The following MMS19 variants were observed in gnomAD, a reference collection of about 807,000 sequenced individuals.
The protein encoded by MMS19 is MMS19 nucleotide excision repair protein homolog.
MMS19 carries 77 observed loss-of-function variants against 129.8 expected under a neutral mutation model. That is an observed-to-expected ratio of 0.59 (90% confidence interval 0.49 to 0.72). MMS19 has a LOEUF of 0.72. Ranked by LOEUF, MMS19 falls within the 30% of genes least tolerant of loss-of-function variation. The pLI is 0.00. For missense variants in MMS19, 1,168 were observed against 1,266.3 expected (o/e 0.92, Z 1.18); for synonymous variants, 491 against 502.8 (o/e 0.98, Z 0.31).
At chr10:97,498,691 C>T, upstream of MMS19, 2 of 422,138 alleles carry the variant, frequency 4.7e-6, no homozygotes, top group South Asian at 5.6e-5. Flanking sequence ...AGGGGCGGTA[C>T]GCACCACGGG....
At chr10:97,485,610 C>T (rs1010055010) in intron 1 of MMS19, among the ~76,000 whole-genome samples, 1 of 151,932 alleles carries the variant, frequency 6.6e-6, no homozygotes, top group Non-Finnish European at 1.5e-5. Context: ...TGCACCTGGC[C>T]CTAATTTTTG....
chr10:97,493,146 C>T (rs376626992), intron 1 of MMS19, among the ~76,000 whole-genome samples: 1 of 151,852 alleles, frequency 6.6e-6, no homozygotes, highest in Non-Finnish European at 1.5e-5. Context: ...CAAGTGGCTG[C>T]GACTACAGGC....
rs1305719354 is a variant in MMS19, at chr10:97,468,352, T to C, written c.1118A>G (p.Lys373Arg). ...PDMKLVWPSAKLLQAAAGASA... is the reference protein window; with the variant it reads ...PDMKLVWPSARLLQAAAGASA... ...TGCACCTGCAGCTGCCTGCAACAGC[T>C]TGGCACTAGGCCACACCAGTTTCAT... The change falls in exon 13 of 31, where the codon AAG becomes AGG. Residue 373 changes from lysine (K) to arginine (R), a missense_variant. Lys to Arg is a conservative substitution (Grantham distance 26). Around this residue, in one of 3 missense-constraint regions of MMS19, gnomAD observed 831 missense variants for 910.8 expected, o/e 0.91. Coordinates refer to ENST00000438925, the MANE Select transcript of MMS19 (RefSeq NM_022362.5). 1.2e-6 allele frequency: 2 copies of C among 1,612,974 alleles called. No individual in the cohort carries two copies. The highest frequency in any genetic ancestry group is 2.2e-5 in the East Asian group (1 of 44,816).
rs2032758258 is a variant in MMS19, at chr10:97,463,996, A to ATTGGTT, written c.1773_1774insAACCAA (p.Gln591_Ser592insAsnGln). The ATTGGTT allele has an allele frequency of 1.2e-6, 2 of 1,612,988 alleles. No homozygotes were observed. The highest frequency in any genetic ancestry group is 2.2e-5 in the South Asian group (2 of 90,832). On this transcript the variant is annotated inframe_insertion, in exon 19 of 31. Transcript: ENST00000438925. ...TGACAGACAGCAATAACGTCACTGG[A>ATTGGTT]TTGTGCAACCATATTCCCTGTTGAT...
chr10:97,485,393 A>G (rs2037641490), intron 1 of MMS19, among the ~76,000 whole-genome samples: 1 of 151,416 alleles, frequency 6.6e-6, no homozygotes, highest in Admixed American at 6.6e-5. Context: ...GCTCACTGCA[A>G]CCTCCGCCTC....
chr10:97,463,983 A>G lies in MMS19; in HGVS notation c.1787T>C (p.Ile596Thr). The G allele has an allele frequency of 1.9e-6, 3 of 1,613,378 alleles. No homozygotes were observed. The highest frequency in any genetic ancestry group is 2.5e-6 in the Non-Finnish European group (3 of 1,179,614). Reference sequence around the variant, plus strand: ...CTGTCTGAGGCTCTGACAGACAGCAATAACGTCACTGGATTGTGCAACCAT... The same window carrying G: ...CTGTCTGAGGCTCTGACAGACAGCAGTAACGTCACTGGATTGTGCAACCAT... ...GNMVAQSSDVIAVCQSLRQMA... is the reference protein window; with the variant it reads ...GNMVAQSSDVTAVCQSLRQMA... Residue 596 changes from isoleucine to threonine, a missense_variant, in exon 19 of 31, where the codon ATT (isoleucine) becomes ACT (threonine). Ile to Thr is a moderately conservative substitution (Grantham distance 89). This residue lies in a region of MMS19 where 831 missense variants were observed against 910.8 expected (regional missense o/e 0.91). Transcript: ENST00000438925.
At chr10:97,496,873 T>G (rs1252490037) in intron 1 of MMS19, among the ~76,000 whole-genome samples, 2 of 152,216 alleles carry the variant, frequency 1.3e-5, no homozygotes, top group African/African-American at 4.8e-5. Flanking sequence ...GCAATTTAAA[T>G]GGATGGATAG....
At chr10:97,465,679 A>AT (rs929193089) in intron 18 of MMS19, 126 bp downstream of exon 18, 5,677 of 841,642 alleles carry the variant, frequency 6.7e-3, no homozygotes, top group Non-Finnish European at 7.8e-3. Context: ...AGGCATCAGT[A>AT]TTTTTTTTTT....
intron 26 of MMS19, 51 bp downstream of exon 26, chr10:97,459,995 C>G: frequency 1.3e-6 from 2 of 1,576,096 alleles, no homozygotes; most frequent in South Asian, 1.1e-5. Context: ...GGAATGTGGC[C>G]AAGCAAAGGA....
At chr10:97,482,126 T>C (rs998113691) in intron 2 of MMS19, among the ~76,000 whole-genome samples, 1 of 152,088 alleles carries the variant, frequency 6.6e-6, no homozygotes, top group East Asian at 1.9e-4. Flanking sequence ...CAGTGGGCCA[T>C]GATCGCTCCA....
Position 97,466,854 on chromosome 10 carries a change from A to G in MMS19, c.1345T>C (p.Phe449Leu), listed in dbSNP as rs1160447937. 6.2e-7 allele frequency: 1 copy of G among 1,614,028 alleles called. No homozygotes were observed. Among genetic ancestry groups the G allele is most frequent in the Non-Finnish European group, 8.5e-7 (1 of 1,179,878 alleles). ...GTGCTGGGGTCTGTTAGAGCCATGA[A>G]TACCAGTGAGCACAGCTGGTCCTTG... ...GFKDQLCSLV[F>L]MALTDPSTQL... The change falls in exon 15 of 31, where the codon TTC becomes CTC. Residue 449 changes from phenylalanine to leucine, a missense_variant. Around this residue, in one of 3 missense-constraint regions of MMS19, gnomAD observed 831 missense variants for 910.8 expected, o/e 0.91. Transcript: ENST00000438925.
rs760612601 is a variant in MMS19, at chr10:97,498,377, G to A, written c.8C>T (p.Ala3Val). 1 of 1,579,494 alleles carries A rather than the reference G, an allele frequency of 6.3e-7. No homozygotes were observed. Among genetic ancestry groups the A allele is most frequent in the East Asian group, 2.3e-5 (1 of 43,446 alleles). The change falls in exon 1 of 31, where the codon GCT becomes GTT. Residue 3 changes from alanine (A) to valine (V), a missense_variant. Coordinates refer to ENST00000438925, the MANE Select transcript of MMS19 (RefSeq NM_022362.5). ...CGCCGCCGCCTCCACAGCCGCGGCAGCGGCCATAACGCGAACTAGAGACCG... is the reference window on the plus strand; with the variant it reads ...CGCCGCCGCCTCCACAGCCGCGGCAACGGCCATAACGCGAACTAGAGACCG... MA[A>V]AAAVEAAAPM... is the part of the protein sequence containing the mutation.
chr10:97,496,511 C>CAA (rs11357826), intron 1 of MMS19, among the ~76,000 whole-genome samples: 92 of 108,036 alleles, frequency 8.5e-4, no homozygotes, highest in African/African-American at 2.4e-3. Context: ...GACCTTGTCT[C>CAA]AAAAAAAAAA....
chr10:97,461,481 G>GTC lies in MMS19; in HGVS notation c.2311+13_2311+14dup. Reference sequence around the variant, plus strand: ...TTGATTCTGGGAGGCTCCTTACATAGTCTGATCTCAGTACCTGCAGGGTGC... The same window carrying GTC: ...TTGATTCTGGGAGGCTCCTTACATAGTCTCTGATCTCAGTACCTGCAGGGTGC... On this transcript the variant is annotated intron_variant, in intron 23 of 30. Coordinates refer to ENST00000438925, the MANE Select transcript of MMS19 (RefSeq NM_022362.5). 1 of 1,606,466 alleles carries GTC rather than the reference G, an allele frequency of 6.2e-7. No individual in the cohort carries two copies. The highest frequency in any genetic ancestry group is 8.5e-7 in the Non-Finnish European group (1 of 1,176,484).
At chr10:97,460,772 A>C (rs1366719989) in intron 24 of MMS19, 21 bp from the exon 25 acceptor site, 1 of 1,587,050 alleles carries the variant, frequency 6.3e-7, no homozygotes, top group Middle Eastern at 1.7e-4. Context: ...AGACAGAGAG[A>C]GCAATTGGGG....
Position 97,472,270 on chromosome 10 carries a change from G to C in MMS19, c.685-1409C>G, listed in dbSNP as rs374985273. Among the ~76,000 whole-genome samples the C allele has an allele frequency of 6.6e-5, 10 of 152,172 alleles. No individual in the cohort carries two copies. In the East Asian group the frequency reaches 7.7e-4, roughly 12 times the overall value. The stretch of plus-strand genomic sequence containing the variant: ...ATTTATTTATTTGAGATGGAGTTTT[G>C]CTCTTGTTACACAAGCTGGAGTGCA... On this transcript the variant is annotated intron_variant, in intron 8 of 30. Coordinates refer to ENST00000438925, the MANE Select transcript of MMS19 (RefSeq NM_022362.5).
rs760853396 is a variant in MMS19 at position 97,468,368 on chromosome 10, C to G, written c.1102G>C (p.Val368Leu). 6.2e-7 allele frequency: 1 copy of G among 1,612,196 alleles called. No homozygotes were observed. The highest frequency in any genetic ancestry group is 1.3e-5 in the African/African-American group (1 of 74,994). ...TGCAACAGCTTGGCACTAGGCCACA[C>G]CAGTTTCATGTCCGGTTCACACAGG... ...HHLCEPDMKLVWPSAKLLQAA... is the reference protein window; with the variant it reads ...HHLCEPDMKLLWPSAKLLQAA... The change falls in exon 13 of 31, where the codon GTG becomes CTG. Residue 368 changes from valine to leucine, a missense_variant. Coordinates refer to ENST00000438925, the MANE Select transcript of MMS19 (RefSeq NM_022362.5).
intron 1 of MMS19, among the ~76,000 whole-genome samples, chr10:97,490,553 C>T (rs369554626): frequency 4.6e-5 from 7 of 152,226 alleles, no homozygotes; most frequent in African/African-American, 1.4e-4. Flanking sequence ...TTACTTCCAG[C>T]AGCCTGTTCT....
chr10:97,475,840 G>C (rs1218764624), intron 8 of MMS19, among the ~76,000 whole-genome samples: 1 of 152,162 alleles, frequency 6.6e-6, no homozygotes, highest in Non-Finnish European at 1.5e-5. Flanking sequence ...GATCTTTCAA[G>C]ATTTCAAGGG....
Sources: allele counts gnomAD v4.1 joint callset (sites outside exome capture counted in the v4.1 genomes callset), GRCh38; gene constraint gnomAD v4.1.1; regional missense constraint gnomAD v4.1.1; transcripts MANE v1.5; gene names NCBI Gene and HGNC (gene_info 2026-07-23, HGNC 2026-07-21).